PLXNA4: variants seen among roughly 807,000 people sequenced by gnomAD.
PLXNA4 encodes plexin A4.
In PLXNA4, 44 loss-of-function variants were observed where a neutral mutation model predicts 191.8. The observed-to-expected ratio is 0.23, with a 90% CI of 0.18 to 0.29. The LOEUF (loss-of-function observed/expected upper bound fraction) is 0.29, where lower values mean the gene tolerates loss of function less well. Ranked by LOEUF, PLXNA4 falls within the 10% of genes least tolerant of loss-of-function variation. PLXNA4 has a pLI of 1.00. For missense variants in PLXNA4, 1,800 were observed against 2,488.8 expected (o/e 0.72, Z 5.89); for synonymous variants, 1,082 against 1,009.5 (o/e 1.07, Z -1.36).
intron 3 of PLXNA4, among the ~76,000 whole-genome samples, chr7:132,369,450 C>A (rs1804334451): frequency 6.6e-6 from 1 of 152,124 alleles, no homozygotes; most frequent in African/African-American, 2.4e-5. Flanking sequence ...TCCACTGCCA[C>A]CTCAAGAAGC....
At chr7:132,188,994 G>GAAA (rs1491197227) in intron 14 of PLXNA4, among the ~76,000 whole-genome samples, 10 of 20,340 alleles carry the variant, frequency 4.9e-4, no homozygotes, top group East Asian at 2.4e-3. Context: ...GAAAGGAAAG[G>GAAA]AGAGAGAGAG....
chr7:132,312,067 G>A (rs1297913440), intron 3 of PLXNA4, among the ~76,000 whole-genome samples: 1 of 151,774 alleles, frequency 6.6e-6, no homozygotes, highest in Non-Finnish European at 1.5e-5. Flanking sequence ...CAGTTGAGGG[G>A]CCTAAAGACA....
chr7:132,177,770 G>A (rs536030019), intron 20 of PLXNA4, among the ~76,000 whole-genome samples: 38 of 152,294 alleles, frequency 2.5e-4, no homozygotes, highest in African/African-American at 8.7e-4. Flanking sequence ...AGTACATTGC[G>A]GAGAAAAAAA....
intron 4 of PLXNA4, among the ~76,000 whole-genome samples, chr7:132,254,265 T>C (rs1799355656): frequency 6.6e-6 from 1 of 152,206 alleles, no homozygotes; most frequent in Non-Finnish European, 1.5e-5. Flanking sequence ...GTGATATCAA[T>C]CTGAAATATA....
chr7:132,368,372 G>A (rs541753947), intron 3 of PLXNA4, among the ~76,000 whole-genome samples: 6 of 152,252 alleles, frequency 3.9e-5, no homozygotes, highest in African/African-American at 9.6e-5. Context: ...GGAGGGACGC[G>A]GCTGCACCCA....
intron 1 of PLXNA4, among the ~76,000 whole-genome samples, chr7:132,560,093 T>C (rs1800972912): frequency 6.6e-6 from 1 of 152,170 alleles, no homozygotes. Context: ...TCCCAGAATG[T>C]GGGATTAGAC....
At chr7:132,517,300 T>C (rs988401078) in intron 1 of PLXNA4, among the ~76,000 whole-genome samples, 5 of 152,148 alleles carry the variant, frequency 3.3e-5, no homozygotes, top group African/African-American at 1.2e-4. Flanking sequence ...AGCAAGGTCA[T>C]GGTGACATTT....
At chr7:132,404,873 A>C (rs1030684494) in intron 3 of PLXNA4, among the ~76,000 whole-genome samples, 1 of 152,048 alleles carries the variant, frequency 6.6e-6, no homozygotes, top group African/African-American at 2.4e-5. Context: ...TGGAAAGACG[A>C]AGCTTCAGGG....
intron 4 of PLXNA4, among the ~76,000 whole-genome samples, chr7:132,251,181 G>A (rs1799236693): frequency 6.6e-6 from 1 of 151,338 alleles, no homozygotes; most frequent in African/African-American, 2.4e-5. Flanking sequence ...TTCATCAGCT[G>A]TACTCCTAGA....
intron 4 of PLXNA4, among the ~76,000 whole-genome samples, chr7:132,253,605 C>A (rs964954908): frequency 1.3e-5 from 2 of 152,156 alleles, no homozygotes; most frequent in African/African-American, 4.8e-5. Flanking sequence ...GGGCTCTTGT[C>A]TGCTTGGTCT....
chr7:132,179,687 C>T lies in PLXNA4; in HGVS notation c.3874G>A (p.Ala1292Thr). Reference sequence around the variant, plus strand: ...CCTCCAGCATGGGGCCACTCAGTACCTTCCTTGCACTCCAGGGCCACACGG... The same window carrying T: ...CCTCCAGCATGGGGCCACTCAGTACTTTCCTTGCACTCCAGGGCCACACGG... ...ESRVALECKE[A>T]FAELQTDIHE... The change falls in exon 20 of 32, where the codon GCC becomes ACC. Residue 1292 changes from alanine to threonine, a missense_variant and splice_region_variant. Physicochemically the swap from Ala to Thr is moderately conservative, Grantham distance 58. Transcript: ENST00000321063. The T allele has an allele frequency of 6.2e-7, 1 of 1,611,606 alleles. No individual in the cohort carries two copies. Among genetic ancestry groups the T allele is most frequent in the Non-Finnish European group, 8.5e-7 (1 of 1,177,814 alleles).
intron 21 of PLXNA4, among the ~76,000 whole-genome samples, chr7:132,169,825 G>A (rs7786869): frequency 0.35 from 52,371 of 151,212 alleles, 10,737 homozygotes; most frequent in African/African-American, 0.56. Context: ...CAATTTGTGC[G>A]TGATTTGTAT....
At chr7:132,611,888 G>T (rs6954812) in intron 2 of PLXNA4, among the ~76,000 whole-genome samples, 12,293 of 152,132 alleles carry the variant, frequency 0.081, 1,098 homozygotes, top group African/African-American at 0.22. Flanking sequence ...CCTAAAAAAG[G>T]CTGGAAGGAG....
At chr7:132,459,143 G>C (rs1053309710) in intron 3 of PLXNA4, among the ~76,000 whole-genome samples, 1 of 152,176 alleles carries the variant, frequency 6.6e-6, no homozygotes, top group African/African-American at 2.4e-5. Context: ...CTGCCACCCA[G>C]CCGTGGAGCA....
intron 2 of PLXNA4, among the ~76,000 whole-genome samples, chr7:132,631,403 T>C (rs1803487549): frequency 6.6e-6 from 1 of 152,210 alleles, no homozygotes; most frequent in African/African-American, 2.4e-5. Flanking sequence ...GATAATATAC[T>C]TAACAAGTGT....
At chr7:132,510,813 G>T (rs533572919) in intron 1 of PLXNA4, among the ~76,000 whole-genome samples, 23 of 152,194 alleles carry the variant, frequency 1.5e-4, no homozygotes, top group Non-Finnish European at 2.9e-4. Flanking sequence ...ATCACATGAG[G>T]GTGTGTACAA....
intron 1 of PLXNA4, among the ~76,000 whole-genome samples, chr7:132,553,732 G>A (rs1427358885): frequency 6.6e-6 from 1 of 152,150 alleles, no homozygotes; most frequent in Non-Finnish European, 1.5e-5. Context: ...GTGGCCCAAG[G>A]ATAAACAGAA....
intron 2 of PLXNA4, among the ~76,000 whole-genome samples, chr7:132,502,870 G>A (rs1215212617): frequency 2.6e-5 from 4 of 152,108 alleles, no homozygotes; most frequent in Admixed American, 6.6e-5. Context: ...CCAGACAGCC[G>A]GGAGGTCTCT....
At chr7:132,275,742 CCT>C (rs1276207494) in intron 4 of PLXNA4, among the ~76,000 whole-genome samples, 1 of 152,234 alleles carries the variant, frequency 6.6e-6, no homozygotes, top group Non-Finnish European at 1.5e-5. Context: ...GTCTAGCACT[CCT>C]CTAGCTCTAC....
Sources: allele counts gnomAD v4.1 joint callset (sites outside exome capture counted in the v4.1 genomes callset), GRCh38; gene constraint gnomAD v4.1.1; transcripts MANE v1.5; gene names NCBI Gene and HGNC (gene_info 2026-07-23, HGNC 2026-07-21).